Variants in PID1 observed in about 807,000 individuals in gnomAD.
PID1 encodes PTB-containing, cubilin and LRP1-interacting protein.
In PID1, 10 loss-of-function variants were observed where a neutral mutation model predicts 19.1. The observed-to-expected ratio is 0.52, with a 90% CI of 0.32 to 0.89. The LOEUF (loss-of-function observed/expected upper bound fraction) is 0.89. Among genes scored for constraint, PID1 ranks in the 40% least tolerant of loss-of-function variants. PID1 has a pLI of 0.03. For synonymous variants in PID1, 130 were observed against 116.0 expected, an observed-to-expected ratio of 1.12 and a Z score of -0.78; for missense variants, 248 against 285.3, an observed-to-expected ratio of 0.87 and a Z score of 0.94.
At chr2:229,059,141 G>A (rs887652226) in intron 2 of PID1, among the ~76,000 whole-genome samples, 3 of 152,056 alleles carry the variant, frequency 2.0e-5, no homozygotes, top group Admixed American at 6.5e-5. Context: ...ACAAAAAAAC[G>A]AAATGGATGA....
At chr2:229,058,558 C>T (rs1031058910) in intron 2 of PID1, among the ~76,000 whole-genome samples, 3 of 152,148 alleles carry the variant, frequency 2.0e-5, no homozygotes, top group Non-Finnish European at 4.4e-5. Flanking sequence ...GTAACTCTCT[C>T]AGCAGTTCTC....
chr2:229,260,078 G>A (rs1399398361), intron 1 of PID1, among the ~76,000 whole-genome samples: 3 of 152,050 alleles, frequency 2.0e-5, no homozygotes, highest in Non-Finnish European at 4.4e-5. Flanking sequence ...TATCTTCTCT[G>A]CACCTTTGTC....
Position 229,025,856 on chromosome 2 carries a change from G to T in PID1, c.430C>A (p.Pro144Thr). Residue 144 changes from proline to threonine, a missense_variant, in exon 3 of 3, where the codon CCC becomes ACC. Coordinates refer to ENST00000392055, the MANE Select transcript of PID1 (RefSeq NM_001100818.2). Reference protein sequence around the residue: ...AYCTADHNVSPNIFAWVYREI... With the variant: ...AYCTADHNVSTNIFAWVYREI... The stretch of plus-strand genomic sequence containing the variant: ...CTGTAGACCCAGGCGAAGATGTTGG[G>T]GCTCACGTTGTGGTCGGCGGTGCAG... The T allele has an allele frequency of 6.2e-7, 1 of 1,614,216 alleles. No individual in the cohort carries two copies. The highest frequency in any genetic ancestry group is 8.5e-7 in the Non-Finnish European group (1 of 1,180,024).
chr2:229,078,561 A>G (rs1351682365), intron 2 of PID1, among the ~76,000 whole-genome samples: 1 of 152,050 alleles, frequency 6.6e-6, no homozygotes, highest in African/African-American at 2.4e-5. Context: ...TTATTTTGAG[A>G]TATGTTCCAT....
intron 2 of PID1, among the ~76,000 whole-genome samples, chr2:229,133,647 C>T (rs781608025): frequency 2.0e-5 from 3 of 152,154 alleles, no homozygotes; most frequent in Non-Finnish European, 2.9e-5. Context: ...TGCCCAATAT[C>T]GACAACTCAA....
At chr2:229,157,379 G>A (rs1221141424) in intron 1 of PID1, among the ~76,000 whole-genome samples, 1 of 149,046 alleles carries the variant, frequency 6.7e-6, no homozygotes, top group Non-Finnish European at 1.5e-5. Context: ...GCAGTGAGCC[G>A]AGACCACACC....
intron 1 of PID1, among the ~76,000 whole-genome samples, chr2:229,163,049 G>T (rs1690521357): frequency 6.6e-6 from 1 of 152,020 alleles, no homozygotes; most frequent in Non-Finnish European, 1.5e-5. Context: ...TACTTAAAAT[G>T]ACCTTTTATT....
At chr2:229,093,624 A>T (rs1303638071) in intron 2 of PID1, among the ~76,000 whole-genome samples, 1 of 152,202 alleles carries the variant, frequency 6.6e-6, no homozygotes, top group African/African-American at 2.4e-5. Flanking sequence ...CATCCCATGG[A>T]TTCAAAGATG....
At chr2:229,098,592 G>C (rs1220810053) in intron 2 of PID1, among the ~76,000 whole-genome samples, 2 of 152,060 alleles carry the variant, frequency 1.3e-5, no homozygotes, top group Admixed American at 6.6e-5. Context: ...GGGCTGGGGG[G>C]GAAGAAATTA....
chr2:229,216,893 A>T (rs10181542), intron 1 of PID1, among the ~76,000 whole-genome samples: 108,565 of 151,504 alleles, frequency 0.72, 39,630 homozygotes, highest in African/African-American at 0.8. Flanking sequence ...ATATTTTTTT[A>T]AAAAAAAGCA....
Position 229,025,865 on chromosome 2 carries a change from T to C in PID1, c.421A>G (p.Asn141Asp). Residue 141 changes from asparagine (N) to aspartate (D), a missense_variant, in exon 3 of 3, where the codon AAC (asparagine) becomes GAC (aspartate). Asn to Asp is a conservative substitution (Grantham distance 23). Transcript: ENST00000392055. ...ARIAYCTADH[N>D]VSPNIFAWVY... Reference sequence around the variant, plus strand: ...CAGGCGAAGATGTTGGGGCTCACGTTGTGGTCGGCGGTGCAGTAGGCGATG... The same window carrying C: ...CAGGCGAAGATGTTGGGGCTCACGTCGTGGTCGGCGGTGCAGTAGGCGATG... 6.2e-7 allele frequency: 1 copy of C among 1,614,234 alleles called. No homozygotes were observed. Among genetic ancestry groups the C allele is most frequent in the Non-Finnish European group, 8.5e-7 (1 of 1,180,034 alleles).
intron 1 of PID1, among the ~76,000 whole-genome samples, chr2:229,200,965 G>T (rs1691487118): frequency 6.6e-6 from 1 of 151,858 alleles, no homozygotes; most frequent in African/African-American, 2.4e-5. Context: ...GTCTGAATTG[G>T]GTTTTGCTCT....
chr2:229,200,727 C>G (rs1691481604), intron 1 of PID1, among the ~76,000 whole-genome samples: 1 of 152,008 alleles, frequency 6.6e-6, no homozygotes, highest in Admixed American at 6.6e-5. Flanking sequence ...ATGATTTTCA[C>G]AGAAACGTTT....
chr2:229,032,461 C>T (rs1253466410), intron 2 of PID1, among the ~76,000 whole-genome samples: 1 of 152,166 alleles, frequency 6.6e-6, no homozygotes, highest in East Asian at 1.9e-4. Flanking sequence ...GAATAATAGG[C>T]CCTGTCTTTA....
chr2:229,051,793 C>T (rs1306859944), intron 2 of PID1, among the ~76,000 whole-genome samples: 1 of 152,226 alleles, frequency 6.6e-6, no homozygotes, highest in Non-Finnish European at 1.5e-5. Context: ...TGTGCCCCAG[C>T]TTGTCAGTCC....
At chr2:229,139,099 GAAAGAAAGAAAGAA>G (rs1689943888) in intron 2 of PID1, among the ~76,000 whole-genome samples, 3 of 73,266 alleles carry the variant, frequency 4.1e-5, no homozygotes, top group African/African-American at 2.0e-4. Flanking sequence ...AAGAAAGAAA[GAAAGAAAGAAAGAA>G]AGAGAAAGAA....
At chr2:229,049,906 C>A (rs570538317) in intron 2 of PID1, among the ~76,000 whole-genome samples, 115 of 132,240 alleles carry the variant, frequency 8.7e-4, no homozygotes, top group South Asian at 7.6e-3. Flanking sequence ...AGTTTACACA[C>A]CAAGATATAT....
intron 1 of PID1, among the ~76,000 whole-genome samples, chr2:229,241,943 T>C (rs138395706): frequency 1.3e-5 from 2 of 152,290 alleles, no homozygotes; most frequent in African/African-American, 4.8e-5. Context: ...TACTAGTAAC[T>C]AGTAACTAGT....
intron 1 of PID1, among the ~76,000 whole-genome samples, chr2:229,255,505 T>C (rs1242826147): frequency 1.3e-5 from 2 of 152,204 alleles, no homozygotes; most frequent in Non-Finnish European, 2.9e-5. Context: ...TTTTCTGAAA[T>C]GGCATTTGAA....
Sources: gnomAD v4.1 joint callset for allele counts (sites outside exome capture counted in the v4.1 genomes callset) on GRCh38, gnomAD v4.1.1 for gene constraint, MANE v1.5 for transcripts, NCBI Gene and HGNC (gene_info 2026-07-23, HGNC 2026-07-21) for gene names.